KCND3: variants seen among roughly 807,000 people sequenced by gnomAD.
KCND3 encodes A-type voltage-gated potassium channel KCND3.
A neutral mutation model predicts 51.1 loss-of-function variants in KCND3; 9 were observed. The observed-to-expected ratio is 0.18, with a 90% CI of 0.11 to 0.31. The LOEUF is 0.31. Ranked by LOEUF, KCND3 falls within the 10% of genes least tolerant of loss-of-function variation. KCND3 has a pLI of 1.00. For missense variants in KCND3, 526 were observed against 903.8 expected, an observed-to-expected ratio of 0.58 and a Z score of 5.36; for synonymous variants, 349 against 368.0, an observed-to-expected ratio of 0.95 and a Z score of 0.59.
At chr1:111,849,992 G>A (rs944436525) in intron 2 of KCND3, among the ~76,000 whole-genome samples, 6 of 152,160 alleles carry the variant, frequency 3.9e-5, no homozygotes, top group East Asian at 3.9e-4. Flanking sequence ...TTCAGCTCTC[G>A]ACTTTCTGAG....
At chr1:111,904,744 C>T (rs1306278233) in intron 2 of KCND3, among the ~76,000 whole-genome samples, 1 of 152,252 alleles carries the variant, frequency 6.6e-6, no homozygotes, top group Non-Finnish European at 1.5e-5. Context: ...CCCTTATCTG[C>T]ACCTGCCGCC....
At chr1:111,951,268 A>C (rs1673051264) in intron 2 of KCND3, among the ~76,000 whole-genome samples, 1 of 151,566 alleles carries the variant, frequency 6.6e-6, no homozygotes, top group Admixed American at 6.6e-5. Context: ...ACATCTAATC[A>C]CTGCTGGTAA....
chr1:111,786,794 G>T, intron 3 of KCND3, 150 bp downstream of exon 3: 1 of 868,210 alleles, frequency 1.2e-6, no homozygotes. Flanking sequence ...TCAGGAGACT[G>T]GTGAGCAGGA....
chr1:111,871,794 G>T (rs1050800399), intron 2 of KCND3, among the ~76,000 whole-genome samples: 1 of 152,182 alleles, frequency 6.6e-6, no homozygotes, highest in African/African-American at 2.4e-5. Context: ...GTGGAGGAAA[G>T]GAGGAACAAA....
chr1:111,817,481 C>T (rs74847094), intron 2 of KCND3, among the ~76,000 whole-genome samples: 2,721 of 152,160 alleles, frequency 0.018, 76 homozygotes, highest in African/African-American at 0.061. Flanking sequence ...AGCACAGACC[C>T]GACACCGACC....
intron 2 of KCND3, among the ~76,000 whole-genome samples, chr1:111,896,390 C>G (rs1004048069): frequency 6.6e-6 from 1 of 152,170 alleles, no homozygotes; most frequent in Non-Finnish European, 1.5e-5. Context: ...TTGATTAATA[C>G]CACATGACAT....
chr1:111,981,593 C>T lies in KCND3; in HGVS notation c.1106+28G>A, dbSNP rs1452062631. 1.2e-6 allele frequency: 2 copies of T among 1,613,870 alleles called. No homozygotes were observed. The highest frequency in any genetic ancestry group is 1.7e-6 in the Non-Finnish European group (2 of 1,179,974). On this transcript the variant is annotated intron_variant, in intron 2 of 7. Transcript: ENST00000302127. This position sits in a 1 kb window ranked among gnomAD's most constrained non-coding sequence, Gnocchi z 6.2. ...ATCCAGCTGCCCTCCAACCTCCGTCCTGGTTTCATCCACCAGCGCTGACTT... is the reference window on the plus strand; with the variant it reads ...ATCCAGCTGCCCTCCAACCTCCGTCTTGGTTTCATCCACCAGCGCTGACTT...
chr1:111,963,174 C>T (rs747133384), intron 2 of KCND3, among the ~76,000 whole-genome samples: 1 of 152,196 alleles, frequency 6.6e-6, no homozygotes, highest in Non-Finnish European at 1.5e-5. Context: ...CAACCCCCCA[C>T]CATACAGAAT....
At chr1:111,856,654 G>A (rs1475977109) in intron 2 of KCND3, among the ~76,000 whole-genome samples, 15 of 152,266 alleles carry the variant, frequency 9.9e-5, no homozygotes, top group Admixed American at 9.8e-4. Context: ...CCTGCCAAAG[G>A]TGACTGCTGG....
intron 2 of KCND3, among the ~76,000 whole-genome samples, chr1:111,812,410 G>A (rs1029352815): frequency 7.2e-5 from 11 of 152,178 alleles, no homozygotes; most frequent in African/African-American, 2.7e-4. Flanking sequence ...AAGGCTGAGG[G>A]CCACAGTGTG....
At position 111,805,683 on chromosome 1, in the gene KCND3, G is replaced by A. The variant is rs4638127; in HGVS notation, c.1107-18577C>T. ...TGAGAACAAGAGTCAAGCGAGGAGC[G>A]GGGGGACATGGAGAGCTGGAGTCTG... is the stretch of plus-strand genomic sequence containing the variant. On this transcript the variant is annotated intron_variant, in intron 2 of 7. Coordinates refer to ENST00000302127, the MANE Select transcript of KCND3 (RefSeq NM_001378969.1). Among the ~76,000 whole-genome samples the A allele has an allele frequency of 7.2e-3, 1,096 of 152,278 alleles. 13 individuals are homozygous for A. The highest frequency in any genetic ancestry group is 0.025 in the African/African-American group (1,038 of 41,534).
intron 2 of KCND3, among the ~76,000 whole-genome samples, chr1:111,912,164 G>A (rs1326802901): frequency 2.0e-5 from 3 of 152,252 alleles, no homozygotes; most frequent in African/African-American, 7.2e-5. Flanking sequence ...CATGTTCCCA[G>A]GTGAGAATGA....
intron 2 of KCND3, among the ~76,000 whole-genome samples, chr1:111,917,352 G>C (rs1671267190): frequency 6.6e-6 from 1 of 152,174 alleles, no homozygotes; most frequent in Admixed American, 6.5e-5. Flanking sequence ...CCACTTCCTA[G>C]GGAAGGCGTA....
chr1:111,799,771 G>C (rs1665212907), intron 2 of KCND3, among the ~76,000 whole-genome samples: 1 of 152,228 alleles, frequency 6.6e-6, no homozygotes, highest in Non-Finnish European at 1.5e-5. Flanking sequence ...GATGAATACA[G>C]AGAGTGTGAG....
chr1:111,883,806 G>A (rs139628626), intron 2 of KCND3, among the ~76,000 whole-genome samples: 1 of 152,350 alleles, frequency 6.6e-6, no homozygotes, highest in Non-Finnish European at 1.5e-5. Context: ...GCTAGGATAT[G>A]AGAGTACTCA....
In KCND3 at chr1:111,852,531, T is replaced by C. The variant is rs372958150; in HGVS notation, c.1107-65425A>G. ...GGGTAATCATTTTAATAAATAGGGA[T>C]TGTGGGCCTCTTGCCTGAGAGTGAA... is the stretch of plus-strand genomic sequence containing the variant. On this transcript the variant is annotated intron_variant, in intron 2 of 7. Transcript: ENST00000302127. 2.0e-5 allele frequency among the ~76,000 whole-genome samples: 3 copies of C among 152,112 alleles called. No individual in the cohort carries two copies. In the East Asian group the frequency reaches 5.8e-4, roughly 29 times the overall value.
intron 2 of KCND3, among the ~76,000 whole-genome samples, chr1:111,822,933 A>G (rs970689357): frequency 2.0e-5 from 3 of 152,246 alleles, no homozygotes; most frequent in African/African-American, 7.2e-5. Context: ...TAACAAGACT[A>G]TGAACAAGAT....
At chr1:111,869,453 G>C (rs1668737104) in intron 2 of KCND3, among the ~76,000 whole-genome samples, 1 of 152,118 alleles carries the variant, frequency 6.6e-6, no homozygotes, top group African/African-American at 2.4e-5. Flanking sequence ...GAATGAGTTG[G>C]GGTTATGGCC....
intron 2 of KCND3, among the ~76,000 whole-genome samples, chr1:111,892,480 A>C (rs1169378179): frequency 6.6e-6 from 1 of 152,208 alleles, no homozygotes; most frequent in Non-Finnish European, 1.5e-5. Context: ...CTCAAGAGTC[A>C]TTTGCTTACA....
Sources: gnomAD v4.1 joint callset for allele counts (sites outside exome capture counted in the v4.1 genomes callset) on GRCh38, gnomAD v4.1.1 for gene constraint, Gnocchi (gnomAD v3.1) non-coding constraint, MANE v1.5 for transcripts, NCBI Gene and HGNC (gene_info 2026-07-23, HGNC 2026-07-21) for gene names.